RARB: variants seen among roughly 807,000 people sequenced by gnomAD.
RARB encodes the protein HBV-activated protein.
Under a neutral mutation model 51.9 loss-of-function variants are expected in RARB, and 17 were observed. The observed-to-expected ratio is 0.33, with a 90% confidence interval of 0.22 to 0.49. RARB has a LOEUF of 0.49. RARB is among the 20% of genes least tolerant of loss of function. The pLI, the probability that RARB is intolerant of heterozygous loss-of-function variation, is 0.99. For missense variants in RARB, 369 were observed against 550.8 expected, an observed-to-expected ratio of 0.67 and a Z score of 3.30; for synonymous variants, 215 against 195.4, an observed-to-expected ratio of 1.10 and a Z score of -0.84.
At chr3:25,153,636 G>A (rs910057986) in intron 4 of RARB, among the ~76,000 whole-genome samples, 3 of 152,080 alleles carry the variant, frequency 2.0e-5, no homozygotes, top group African/African-American at 4.8e-5. Context: ...TAAATAATTC[G>A]CTACTGTAGT....
intron 2 of RARB, among the ~76,000 whole-genome samples, chr3:24,929,854 G>T (rs540090327): frequency 3.3e-5 from 5 of 152,162 alleles, no homozygotes; most frequent in Middle Eastern, 3.4e-3. Context: ...TCTTAACCAT[G>T]ATAAAGAACT....
rs1044191522 is a variant in RARB at position 25,312,314 on chromosome 3, T to C, written c.178+137739T>C. 2.6e-5 allele frequency among the ~76,000 whole-genome samples: 4 copies of C among 152,228 alleles called. 1 individual carries two copies. The East Asian group carries it at 7.7e-4, about 29-fold the overall frequency. ...AACACATTCATATTCACTGTTTGAT[T>C]TGATTCTCAAAACAACCCCGGGAGG... On this transcript the variant is annotated intron_variant, in intron 5 of 11. Transcript: ENST00000383772.
At chr3:25,088,411 G>T (rs1420573378) in intron 3 of RARB, among the ~76,000 whole-genome samples, 1 of 152,130 alleles carries the variant, frequency 6.6e-6, no homozygotes, top group Non-Finnish European at 1.5e-5. Context: ...GCTGGTCTTT[G>T]TTCAGGCTGA....
At chr3:25,057,648 G>T (rs916442768) in intron 2 of RARB, among the ~76,000 whole-genome samples, 3 of 151,970 alleles carry the variant, frequency 2.0e-5, no homozygotes, top group African/African-American at 7.2e-5. Context: ...AAGGAAAAAT[G>T]AAAAGGACTT....
chr3:25,260,015 G>A (rs1413361947), intron 5 of RARB: 8 of 983,746 alleles, frequency 8.1e-6, no homozygotes, highest in East Asian at 1.1e-4. Context: ...TTTTTGAAAC[G>A]TTTTTCCCCT....
chr3:25,249,681 ATTTTTTTT>A (rs775744919), intron 5 of RARB, among the ~76,000 whole-genome samples: 1 of 95,282 alleles, frequency 1.0e-5, no homozygotes, highest in Non-Finnish European at 2.1e-5. Context: ...TCTCTGTATG[ATTTTTTTT>A]TTTTTTTTTT....
At chr3:25,349,865 CTG>C (rs1240700716) in intron 5 of RARB, among the ~76,000 whole-genome samples, 1 of 152,128 alleles carries the variant, frequency 6.6e-6, no homozygotes, top group African/African-American at 2.4e-5. Flanking sequence ...GGACTCTGCT[CTG>C]TGTAGGGTCA....
rs1696276215 is a variant in RARB at position 25,482,549 on chromosome 3, T to A, written c.307-18633T>A. Reference sequence around the variant, plus strand: ...TTTTTTTTTTTTTTTTTTTTTTTTTTTTTTTTTTGAGACGGAGTCTCTCTC... The same window carrying A: ...TTTTTTTTTTTTTTTTTTTTTTTTTATTTTTTTTGAGACGGAGTCTCTCTC... On this transcript the variant is annotated intron_variant, in intron 2 of 7. Transcript: ENST00000330688. 6.2e-5 allele frequency among the ~76,000 whole-genome samples: 8 copies of A among 128,446 alleles called. No homozygotes were observed. The South Asian group carries it at 2.0e-3, about 32-fold the overall frequency. The allele number at this position is 128,446 out of a possible 152,430, so 84.3% of individuals were successfully genotyped here.
At chr3:24,945,388 A>T (rs756978514) in intron 2 of RARB, among the ~76,000 whole-genome samples, 3 of 152,238 alleles carry the variant, frequency 2.0e-5, no homozygotes, top group Non-Finnish European at 4.4e-5. Context: ...GGATAACAGC[A>T]GTGTGTGAGA....
At position 25,070,204 on chromosome 3, in the gene RARB, A is replaced by G. The variant is rs566214355; in HGVS notation, c.-328+10028A>G. ...TCTCTGTCTTTGCATGGCTCTTATT[A>G]TAAGACATCAGTCATATTAGATTAG... On this transcript the variant is annotated intron_variant, in intron 3 of 11. Coordinates refer to the RARB transcript ENST00000383772. 9.9e-5 allele frequency among the ~76,000 whole-genome samples: 15 copies of G among 152,280 alleles called. 1 individual carries two copies. In the East Asian group the frequency reaches 2.9e-3, roughly 29 times the overall value.
chr3:24,869,547 C>T (rs187407798), intron 2 of RARB, among the ~76,000 whole-genome samples: 18 of 152,170 alleles, frequency 1.2e-4, no homozygotes, highest in African/African-American at 4.3e-4. Flanking sequence ...AATGCATATA[C>T]ATATGAATTA....
chr3:25,023,502 T>A (rs2125286053), intron 2 of RARB, among the ~76,000 whole-genome samples: 1 of 21,972 alleles, frequency 4.6e-5, no homozygotes, highest in South Asian at 1.8e-3. Flanking sequence ...CCGACGCAGC[T>A]GAGTTTGCTT....
At chr3:25,353,400 A>G (rs545003703) in intron 5 of RARB, among the ~76,000 whole-genome samples, 2 of 152,278 alleles carry the variant, frequency 1.3e-5, no homozygotes, top group East Asian at 1.9e-4. Flanking sequence ...ATCAATGACA[A>G]ACATTACACT....
intron 3 of RARB, among the ~76,000 whole-genome samples, chr3:25,533,733 G>A (rs1045131253): frequency 2.6e-5 from 4 of 152,172 alleles, no homozygotes; most frequent in Non-Finnish European, 4.4e-5. Context: ...AATGCTAAAT[G>A]AAAAAGAAAA....
At chr3:24,943,617 T>C (rs1695715433) in intron 2 of RARB, among the ~76,000 whole-genome samples, 1 of 152,224 alleles carries the variant, frequency 6.6e-6, no homozygotes, top group African/African-American at 2.4e-5. Flanking sequence ...TTTGAGCAGA[T>C]GTTAACAGGT....
intron 3 of RARB, among the ~76,000 whole-genome samples, chr3:25,121,866 G>A (rs1699789755): frequency 6.6e-6 from 1 of 152,138 alleles, no homozygotes; most frequent in Non-Finnish European, 1.5e-5. Flanking sequence ...GGTTCATTGA[G>A]CTTTTTGGAG....
chr3:25,158,439 AG>A (rs1374044586), intron 4 of RARB, among the ~76,000 whole-genome samples: 11 of 152,358 alleles, frequency 7.2e-5, no homozygotes, highest in Admixed American at 7.2e-4. Flanking sequence ...AAGAAGCTGT[AG>A]ACCTATTTCA....
intron 3 of RARB, among the ~76,000 whole-genome samples, chr3:25,092,779 C>G (rs953176585): frequency 1.3e-5 from 2 of 152,020 alleles, no homozygotes; most frequent in Non-Finnish European, 2.9e-5. Flanking sequence ...TGAATGGATT[C>G]CCAGATAATG....
chr3:25,062,008 G>C (rs1481300205), intron 3 of RARB, among the ~76,000 whole-genome samples: 2 of 151,498 alleles, frequency 1.3e-5, no homozygotes, highest in African/African-American at 4.8e-5. Context: ...TTCAACTTAA[G>C]AAAATAATAG....
Sources: allele counts gnomAD v4.1 joint callset (sites outside exome capture counted in the v4.1 genomes callset), GRCh38; gene constraint gnomAD v4.1.1; transcripts MANE v1.5; gene names NCBI Gene and HGNC (gene_info 2026-07-23, HGNC 2026-07-21).